Variants in CMIP observed in about 807,000 individuals in gnomAD.
CMIP encodes C-Maf-inducing protein.
CMIP carries 13 observed loss-of-function variants against 97.3 expected under a neutral mutation model. The observed-to-expected ratio is 0.13, with a 90% CI of 0.09 to 0.21. The LOEUF (loss-of-function observed/expected upper bound fraction) is 0.21, where lower values mean the gene tolerates loss of function less well. Among genes scored for constraint, CMIP ranks in the 10% least tolerant of loss-of-function variants. CMIP has a pLI of 1.00. For synonymous variants in CMIP, 538 were observed against 436.3 expected (o/e 1.23, Z -2.91); for missense variants, 847 against 1,024.9 (o/e 0.83, Z 2.37).
intron 1 of CMIP, among the ~76,000 whole-genome samples, chr16:81,532,380 T>C (rs148819352): frequency 2.1e-3 from 321 of 152,328 alleles, no homozygotes; most frequent in African/African-American, 7.4e-3. Flanking sequence ...TTTTAGAAGA[T>C]TGACTATCAC....
intron 1 of CMIP, among the ~76,000 whole-genome samples, chr16:81,571,250 G>A (rs531627340): frequency 1.1e-4 from 16 of 152,220 alleles, no homozygotes; most frequent in African/African-American, 3.6e-4. Context: ...TGGGAGGATT[G>A]CTTGAGGCCA....
chr16:81,670,297 G>C, intron 8 of CMIP, 52 bp downstream of exon 8: 1 of 1,547,644 alleles, frequency 6.5e-7, no homozygotes, highest in Non-Finnish European at 8.8e-7. Context: ...CTTTCCTCTC[G>C]GATCCTGTTT....
rs2091299379 is a variant in CMIP at position 81,581,749 on chromosome 16, G to A, written c.301-25818G>A. On this transcript the variant is annotated intron_variant, in intron 1 of 20. Coordinates refer to ENST00000537098, the MANE Select transcript of CMIP (RefSeq NM_198390.3). ...GGGAAAACCGAGGCACAGGGCAAGG[G>A]AACCACTTCCTCACGCAGACAGCTC... is the stretch of plus-strand genomic sequence containing the variant. 2.0e-5 allele frequency among the ~76,000 whole-genome samples: 3 copies of A among 152,160 alleles called. No individual in the cohort carries two copies. In the South Asian group the frequency reaches 6.2e-4, roughly 32 times the overall value.
chr16:81,624,509 C>A (rs958375782), intron 3 of CMIP, among the ~76,000 whole-genome samples: 1 of 151,476 alleles, frequency 6.6e-6, no homozygotes, highest in Non-Finnish European at 1.5e-5. Flanking sequence ...AAAAAAAATG[C>A]CACCTCCTAA....
chr16:81,514,648 C>T (rs1311298280), intron 1 of CMIP, among the ~76,000 whole-genome samples: 2 of 152,180 alleles, frequency 1.3e-5, no homozygotes, highest in Non-Finnish European at 2.9e-5. Context: ...GCTCTGGAGC[C>T]TGAGAGCCCA....
Position 81,504,654 on chromosome 16 carries a change from A to AG in CMIP, c.300+59113_300+59114insG, listed in dbSNP as rs770891235. ...TGAGACTCGTCTCAAAAAAAAAAAAAAAAAAAAAAAAAGAAAAGAAAAGAA... is the reference window on the plus strand; with the variant it reads ...TGAGACTCGTCTCAAAAAAAAAAAAAGAAAAAAAAAAAAGAAAAGAAAAGAA... On this transcript the variant is annotated intron_variant, in intron 1 of 20. Transcript: ENST00000537098. 8.0e-3 allele frequency among the ~76,000 whole-genome samples: 1,195 copies of AG among 149,894 alleles called. 14 individuals carry two copies. The highest frequency in any genetic ancestry group is 0.014 in the Non-Finnish European group (948 of 67,488).
chr16:81,667,799 A>AGAGAGAGAGAGAGGGTGT, intron 7 of CMIP, among the ~76,000 whole-genome samples: 1 of 58,096 alleles, frequency 1.7e-5, no homozygotes, highest in Non-Finnish European at 3.2e-5. Context: ...AGAGAGAGAG[A>AGAGAGAGAGAGAGGGTGT]GTGTGTGTGT....
chr16:81,560,246 T>C (rs2090854013), intron 1 of CMIP, among the ~76,000 whole-genome samples: 2 of 149,732 alleles, frequency 1.3e-5, no homozygotes, highest in Admixed American at 6.7e-5. Flanking sequence ...TGAGACAGAG[T>C]CTCGCTCCGT....
chr16:81,554,334 G>A (rs1199370826), intron 1 of CMIP, among the ~76,000 whole-genome samples: 3 of 152,238 alleles, frequency 2.0e-5, no homozygotes, highest in Non-Finnish European at 4.4e-5. Flanking sequence ...AATGCAAGGA[G>A]AAGCTAAGGA....
intron 1 of CMIP, chr16:81,520,509 T>C (rs978986001): frequency 3.5e-5 from 5 of 140,932 alleles, no homozygotes; most frequent in Non-Finnish European, 7.5e-5. Context: ...AAGACCAGCT[T>C]GGGCAAGATA....
At position 81,514,909 on chromosome 16, in the gene CMIP, A is replaced by G. The variant is rs546051706; in HGVS notation, c.300+69368A>G. Among the ~76,000 whole-genome samples the G allele has an allele frequency of 2.4e-4, 36 of 152,328 alleles. No individual in the cohort carries two copies. In the Middle Eastern group the frequency reaches 0.01, roughly 43 times the overall value. On this transcript the variant is annotated intron_variant, in intron 1 of 20. Coordinates refer to ENST00000537098, the MANE Select transcript of CMIP (RefSeq NM_198390.3). ...ACTAACATCTTTCAGAGGAGCTACC[A>G]CAGACCAAGTGGGGCGCTGGGGTCC...
In CMIP at chr16:81,678,528, G is replaced by A. The variant is rs1436885121; in HGVS notation, c.1288G>A (p.Asp430Asn). 7.5e-6 allele frequency: 12 copies of A among 1,605,532 alleles called. No homozygotes were observed. The African/African-American group carries it at 8.0e-5, about 11-fold the overall frequency. ...CAACGACAGCGAGCCCAACCTCATCGACTGCCTCATGGTCAGCCCCGCCTG... is the reference window on the plus strand; with the variant it reads ...CAACGACAGCGAGCCCAACCTCATCAACTGCCTCATGGTCAGCCCCGCCTG... The part of the protein sequence containing the change: ...AGNDSEPNLI[D>N]CLMVSPACST... Residue 430 changes from aspartate (D) to asparagine (N), a missense_variant, in exon 10 of 21, where the codon GAC becomes AAC. By Grantham distance (23) the Asp-to-Asn change is conservative. Coordinates refer to ENST00000537098, the MANE Select transcript of CMIP (RefSeq NM_198390.3).
intron 1 of CMIP, among the ~76,000 whole-genome samples, chr16:81,566,479 C>T (rs907209455): frequency 6.6e-6 from 1 of 152,308 alleles, no homozygotes. Flanking sequence ...TGGAGCCACG[C>T]ACAACTGGAT....
At chr16:81,540,643 AGTGTGTGTGTGTGTGTGTGTGT>A (rs67286788) in intron 1 of CMIP, among the ~76,000 whole-genome samples, 7 of 141,986 alleles carry the variant, frequency 4.9e-5, no homozygotes, top group Admixed American at 2.1e-4. Flanking sequence ...TCTTGTTTTG[AGTGTGTGTGTGTGTGTGTGTGT>A]GTGTGTGTGT....
At chr16:81,639,228 A>ACATT (rs1305454281) in intron 3 of CMIP, among the ~76,000 whole-genome samples, 1 of 152,236 alleles carries the variant, frequency 6.6e-6, no homozygotes, top group African/African-American at 2.4e-5. Flanking sequence ...CGGCTGCACC[A>ACATT]CATTCAGATC....
chr16:81,463,458 C>T (rs556738870), intron 1 of CMIP, among the ~76,000 whole-genome samples: 1 of 152,298 alleles, frequency 6.6e-6, no homozygotes, highest in South Asian at 2.1e-4. Context: ...TCATTACTCC[C>T]ACTACGTTTG....
chr16:81,580,264 G>C (rs1468301000), intron 1 of CMIP, among the ~76,000 whole-genome samples: 1 of 152,192 alleles, frequency 6.6e-6, no homozygotes, highest in Admixed American at 6.5e-5. Context: ...AATCAGAGAA[G>C]CGAGGTGCCC....
chr16:81,481,207 T>G (rs946219842), intron 1 of CMIP, among the ~76,000 whole-genome samples: 5 of 152,208 alleles, frequency 3.3e-5, no homozygotes, highest in African/African-American at 1.2e-4. Context: ...GAATATGCGG[T>G]GATGAGACAG....
At chr16:81,498,786 G>A (rs905219954) in intron 1 of CMIP, among the ~76,000 whole-genome samples, 2 of 152,134 alleles carry the variant, frequency 1.3e-5, no homozygotes, top group Non-Finnish European at 2.9e-5. Context: ...CCTCCCTCTT[G>A]CACATCCGTG....
Sources: allele counts gnomAD v4.1 joint callset (sites outside exome capture counted in the v4.1 genomes callset), GRCh38; gene constraint gnomAD v4.1.1; transcripts MANE v1.5; gene names NCBI Gene and HGNC (gene_info 2026-07-23, HGNC 2026-07-21).